Variants in NPIPB15 observed in about 807,000 individuals in gnomAD.
NPIPB15 encodes the protein nuclear pore complex interacting protein family member B15.
NPIPB15 carries 5 observed loss-of-function variants against 35.9 expected under a neutral mutation model. The ratio of observed to expected loss-of-function variants is 0.14; its 90% CI spans 0.07 to 0.29. The LOEUF is 0.29. NPIPB15 is among the 10% of genes least tolerant of loss of function. The pLI is 1.00. For missense variants in NPIPB15, 100 were observed against 506.1 expected (o/e 0.20, Z 7.70); for synonymous variants, 43 against 182.0 (o/e 0.24, Z 6.15).
chr16:74,380,710 G>GCTA (rs368195769), intron 2 of NPIPB15, among the ~76,000 whole-genome samples: 29,794 of 140,126 alleles, frequency 0.21, 405 homozygotes, highest in Admixed American at 0.25. Context: ...TGTACTCCCA[G>GCTA]CTACTCAGGA....
intron 2 of NPIPB15, among the ~76,000 whole-genome samples, chr16:74,381,115 C>T (rs2011965203): frequency 1.5e-5 from 2 of 137,628 alleles, no homozygotes; most frequent in African/African-American, 5.6e-5. Flanking sequence ...TGCACTCCAG[C>T]CTGGGCGACT....
intron 3 of NPIPB15, among the ~76,000 whole-genome samples, chr16:74,384,705 A>C (rs1312005454): frequency 5.8e-5 from 3 of 51,802 alleles, no homozygotes; most frequent in Admixed American, 5.0e-4. Context: ...TTTGAGACAG[A>C]GTTTCAATTT....
intron 1 of NPIPB15, among the ~76,000 whole-genome samples, chr16:74,377,647 T>TTGAG (rs2011729532): frequency 6.6e-6 from 1 of 151,930 alleles, no homozygotes; most frequent in Non-Finnish European, 1.5e-5. Flanking sequence ...GACCTGTAGC[T>TTGAG]AAACCTTCCA....
At chr16:74,381,346 A>T (rs989065035) in intron 2 of NPIPB15, 170 bp from the exon 3 acceptor site, 1 of 799,394 alleles carries the variant, frequency 1.3e-6, no homozygotes, top group Admixed American at 3.0e-5. Context: ...TCTGAAAAAC[A>T]TGAGACTTCT....
intron 5 of NPIPB15, among the ~76,000 whole-genome samples, chr16:74,387,998 GTGGA>G (rs1189427249): frequency 6.6e-6 from 1 of 151,914 alleles, no homozygotes; most frequent in Non-Finnish European, 1.5e-5. Context: ...CAACACCAGG[GTGGA>G]TGGTTTGCCG....
chr16:74,377,556 C>A (rs1177696958), intron 1 of NPIPB15, among the ~76,000 whole-genome samples: 11 of 152,204 alleles, frequency 7.2e-5, no homozygotes, highest in Non-Finnish European at 1.5e-4. Flanking sequence ...GATAGCAGAA[C>A]CTTTTTGTCT....
At chr16:74,382,446 T>C (rs1032722566) in intron 3 of NPIPB15, among the ~76,000 whole-genome samples, 1 of 151,690 alleles carries the variant, frequency 6.6e-6, no homozygotes, top group Non-Finnish European at 1.5e-5. Context: ...CAATGAAAAG[T>C]GTGTCTGGGC....
intron 1 of NPIPB15, chr16:74,377,751 C>T: frequency 3.1e-6 from 1 of 317,690 alleles, no homozygotes. Context: ...TGCCCAACAG[C>T]CCCCTTCTCC....
intron 3 of NPIPB15, among the ~76,000 whole-genome samples, chr16:74,384,419 A>T (rs2012149251): frequency 9.9e-6 from 1 of 101,236 alleles, no homozygotes; most frequent in Admixed American, 1.3e-4. Flanking sequence ...ACCAGGCTGG[A>T]GTGCAGTGGT....
intron 2 of NPIPB15, among the ~76,000 whole-genome samples, chr16:74,378,512 C>G (rs372972796): frequency 6.9e-6 from 1 of 143,902 alleles, no homozygotes; most frequent in South Asian, 2.2e-4. Context: ...CTGCAACCTC[C>G]GCTTCCGGGG....
rs1430450822 is a variant in NPIPB15, at chr16:74,385,127, C to T, written c.250-215C>T. On this transcript the variant is annotated intron_variant, in intron 3 of 7. Coordinates refer to ENST00000692376, the MANE Select transcript of NPIPB15 (RefSeq NM_001306094.2). ...CCTCCCAGCTTCAAACGGTTCTCTG[C>T]CTCAGCCTCCCGAGTAGCTTGGATT... is the stretch of plus-strand genomic sequence containing the variant. 5.3e-5 allele frequency among the ~76,000 whole-genome samples: 8 copies of T among 150,162 alleles called. No individual in the cohort carries two copies. In the Admixed American group the frequency reaches 5.4e-4, roughly 10 times the overall value.
At position 74,391,726 on chromosome 16, in the gene NPIPB15, T is replaced by G. The variant is rs671311; in HGVS notation, c.978T>G (p.Pro326=). 7.5e-7 allele frequency: 1 copy of G among 1,337,676 alleles called. No homozygotes were observed. The highest frequency in any genetic ancestry group is 2.0e-4 in the Middle Eastern group (1 of 5,042). The allele number at this position is 1,337,676 out of a possible 1,614,324, so 82.9% of individuals were successfully genotyped here. Residue 326 remains proline, a synonymous_variant, in exon 8 of 8, where the codon CCT becomes CCG. Transcript: ENST00000692376. ...DDNLKDCLFV[P]LPPSPLPPSV... Reference sequence around the variant, plus strand: ...ATCTGAAGGACTGTCTCTTTGTCCCTCTTCCACCCTCTCCTCTTCCACCCT... The same window carrying G: ...ATCTGAAGGACTGTCTCTTTGTCCCGCTTCCACCCTCTCCTCTTCCACCCT...
At chr16:74,391,361 G>GT (rs2012526706) in intron 7 of NPIPB15, 30 bp from the exon 8 acceptor site, 4 of 1,594,578 alleles carry the variant, frequency 2.5e-6, no homozygotes, top group Non-Finnish European at 3.4e-6. Context: ...ATGAATATGT[G>GT]TGAAAACATT....
chr16:74,386,709 G>A (rs368359249), intron 5 of NPIPB15, among the ~76,000 whole-genome samples: 42 of 151,934 alleles, frequency 2.8e-4, no homozygotes, highest in Non-Finnish European at 4.9e-4. Context: ...CACATACCTC[G>A]GCCTCCCAAT....
intron 3 of NPIPB15, among the ~76,000 whole-genome samples, chr16:74,384,703 A>G (rs1354178930): frequency 6.8e-5 from 3 of 44,200 alleles, no homozygotes; most frequent in South Asian, 1.6e-3. Flanking sequence ...TTTTTGAGAC[A>G]GAGTTTCAAT....
intron 7 of NPIPB15, 125 bp from the exon 8 acceptor site, chr16:74,391,266 A>G (rs2142699811): frequency 6.5e-7 from 1 of 1,543,128 alleles, no homozygotes; most frequent in East Asian, 2.4e-5. Context: ...GCTATTTTGA[A>G]ACCTGGAGGA....
At chr16:74,385,032 T>C in intron 3 of NPIPB15, among the ~76,000 whole-genome samples, 1 of 135,728 alleles carries the variant, frequency 7.4e-6, no homozygotes, top group Non-Finnish European at 1.6e-5. Context: ...TGTGTGTGTG[T>C]GTGACAGAGT....
chr16:74,390,105 GCT>G (rs1567417199), intron 7 of NPIPB15, 75 bp downstream of exon 7: 1 of 1,580,022 alleles, frequency 6.3e-7, no homozygotes, highest in Non-Finnish European at 8.6e-7. Context: ...TCTCCCTACA[GCT>G]CTGTGCTCAA....
intron 2 of NPIPB15, among the ~76,000 whole-genome samples, chr16:74,379,230 C>A (rs1207506553): frequency 8.1e-4 from 123 of 152,222 alleles, no homozygotes; most frequent in African/African-American, 2.7e-3. Context: ...CATAGGTACT[C>A]TTTTGTGTCT....
Sources: allele counts gnomAD v4.1 joint callset (sites outside exome capture counted in the v4.1 genomes callset), GRCh38; gene constraint gnomAD v4.1.1; transcripts MANE v1.5; gene names NCBI Gene and HGNC (gene_info 2026-07-23, HGNC 2026-07-21).